The following POGLUT2 variants were observed in gnomAD, a reference collection of about 807,000 sequenced individuals.
POGLUT2 encodes the protein protein O-glucosyltransferase 2.
Under a neutral mutation model 57.6 loss-of-function variants are expected in POGLUT2, and 47 were observed. The observed-to-expected ratio is 0.82, with a 90% CI of 0.65 to 1.04. The LOEUF is 1.04. Ranked by LOEUF, POGLUT2 falls within the 50% of genes least tolerant of loss-of-function variation. POGLUT2 has a pLI of 0.00. For missense variants in POGLUT2, 565 were observed against 614.8 expected, an observed-to-expected ratio of 0.92 and a Z score of 0.86; for synonymous variants, 200 against 218.8, an observed-to-expected ratio of 0.91 and a Z score of 0.76.
chr13:102,796,989 T>C lies in POGLUT2; in HGVS notation c.203A>G (p.Glu68Gly). The C allele has an allele frequency of 1.2e-6, 2 of 1,612,906 alleles. No homozygotes were observed. Among genetic ancestry groups the C allele is most frequent in the Non-Finnish European group, 1.7e-6 (2 of 1,179,478 alleles). The change falls in exon 2 of 10, where the codon GAA becomes GGA. Residue 68 changes from glutamate (E) to glycine (G), a missense_variant. Physicochemically the swap from Glu to Gly is moderately conservative, Grantham distance 98. Coordinates refer to ENST00000376004, the MANE Select transcript of POGLUT2 (RefSeq NM_024089.3). ...SGNKFTSSPGEKVFQVKVSAP... is the reference protein window; with the variant it reads ...SGNKFTSSPGGKVFQVKVSAP... The stretch of plus-strand genomic sequence containing the variant: ...TGAGACTTTCACCTGGAAGACCTTT[T>C]CGCCTGGAGAAGATGTGAATCTGTG...
At chr13:102,792,863 G>A (rs183175657) in intron 4 of POGLUT2, among the ~76,000 whole-genome samples, 284 of 152,208 alleles carry the variant, frequency 1.9e-3, no homozygotes, top group Non-Finnish European at 3.1e-3. Flanking sequence ...GCGTGATCTC[G>A]GCTCATGCAG....
Position 102,798,662 on chromosome 13 carries a change from G to A in POGLUT2, c.9C>T (p.Gly3=). ...GAAAGAAGCAATAAAGTAGCAAAGT[G>A]CCAAACATTTACAAGACGGACTCTC... MF[G]TLLLYCFFLA... is the part of the protein sequence containing the mutation. Residue 3 remains glycine (G), a synonymous_variant, in exon 1 of 10, where the codon GGC becomes GGT. Coordinates refer to ENST00000376004, the MANE Select transcript of POGLUT2 (RefSeq NM_024089.3). The A allele has an allele frequency of 6.3e-7, 1 of 1,592,400 alleles. No homozygotes were observed. Among genetic ancestry groups the A allele is most frequent in the Admixed American group, 1.8e-5 (1 of 56,960 alleles).
chr13:102,786,440 G>A, intron 8 of POGLUT2, 101 bp from the exon 9 acceptor site: 1 of 804,402 alleles, frequency 1.2e-6, no homozygotes, highest in South Asian at 1.5e-5. Flanking sequence ...TTTAACTCAT[G>A]TGTGTCAAAC....
rs141628910 is a variant in POGLUT2 at position 102,798,149 on chromosome 13, C to G, written c.182+340G>C. Among the ~76,000 whole-genome samples, 580 of 152,308 alleles carry G rather than the reference C, an allele frequency of 3.8e-3. 2 individuals carry two copies. Among genetic ancestry groups the G allele is most frequent in the African/African-American group, 0.013 (540 of 41,554 alleles). The stretch of plus-strand genomic sequence containing the variant: ...CGCACCAGAGAAAGATGAAGCCCAT[C>G]AAGTCTCTAACAACTAGGTTTAAAT... On this transcript the variant is annotated intron_variant, in intron 1 of 9. Transcript: ENST00000376004.
chr13:102,786,108 G>C, intron 9 of POGLUT2, 124 bp downstream of exon 9: 1 of 666,942 alleles, frequency 1.5e-6, no homozygotes, highest in African/African-American at 1.8e-5. Context: ...AGACTGAATT[G>C]CTTGGAGACC....
In POGLUT2 at chr13:102,784,305, T is replaced by C. The variant is rs779679551; in HGVS notation, c.*190A>G. 180 of 476,912 alleles carry C rather than the reference T, an allele frequency of 3.8e-4. No individual in the cohort carries two copies. Among genetic ancestry groups the C allele is most frequent in the Non-Finnish European group, 3.8e-5 (10 of 262,316 alleles). The allele number at this position is 476,912 out of a possible 1,614,324, so 29.5% of individuals were successfully genotyped here. A position where few individuals can be genotyped will look rare whatever the true frequency, so the allele number is the denominator to read the frequency against. ...GTCCTTTAAAATAAAGGTGGTTTTATTATAAAATTCTAAAAATGTACTTTA... is the reference window on the plus strand; with the variant it reads ...GTCCTTTAAAATAAAGGTGGTTTTACTATAAAATTCTAAAAATGTACTTTA... On this transcript the variant is annotated 3_prime_UTR_variant, in exon 10 of 10. Transcript: ENST00000376004.
intron 9 of POGLUT2, among the ~76,000 whole-genome samples, chr13:102,784,808 G>A (rs572200437): frequency 1.3e-5 from 2 of 152,272 alleles, no homozygotes; most frequent in South Asian, 2.1e-4. Context: ...AAAAATAAAC[G>A]AAGCTATCAT....
chr13:102,789,016 T>C lies in POGLUT2; in HGVS notation c.1289A>G (p.Glu430Gly), dbSNP rs760529923. Residue 430 changes from glutamate to glycine, a missense_variant, in exon 7 of 10, where the codon GAA becomes GGA. Physicochemically the swap from Glu to Gly is moderately conservative, Grantham distance 98. Coordinates refer to ENST00000376004, the MANE Select transcript of POGLUT2 (RefSeq NM_024089.3). ...EKLKWAKDHDEEAKKIAKAGQ... is the reference protein window; with the variant it reads ...EKLKWAKDHDGEAKKIAKAGQ... ...CTTCAAGGGGACTAACCTTACCTCT[T>C]CATCGTGATCTTTCGCCCATTTAAG... 7.4e-6 allele frequency: 12 copies of C among 1,613,102 alleles called. No individual in the cohort carries two copies. Among genetic ancestry groups the C allele is most frequent in the Non-Finnish European group, 9.3e-6 (11 of 1,179,384 alleles).
intron 8 of POGLUT2, 66 bp from the exon 9 acceptor site, chr13:102,786,405 T>G: frequency 1.0e-6 from 1 of 995,016 alleles, no homozygotes; most frequent in Non-Finnish European, 1.6e-6. Context: ...TGAGAGAGGC[T>G]AGAATATATG....
intron 4 of POGLUT2, among the ~76,000 whole-genome samples, chr13:102,792,977 T>C (rs1036579833): frequency 6.6e-6 from 1 of 152,188 alleles, no homozygotes; most frequent in African/African-American, 2.4e-5. Context: ...GTCTTCACCA[T>C]GTTGCCCAGC....
intron 8 of POGLUT2, 68 bp from the exon 9 acceptor site, chr13:102,786,407 G>A (rs1034522082): frequency 9.7e-5 from 94 of 972,922 alleles, no homozygotes; most frequent in Non-Finnish European, 1.5e-4. Context: ...AGAGAGGCTA[G>A]AATATATGAA....
chr13:102,791,089 C>A lies in POGLUT2; in HGVS notation c.895G>T (p.Glu299Ter). ...CAGACGGCAGTGGAATTTTTGCTTT[C>A]CCAGGGAGGACCCGTGTTAGCTTGC... ...SVQANTGPPW[E>*]SKNSTAVWRG... The change falls in exon 6 of 10, where the codon GAA becomes TAA. Residue 299 changes from glutamate to a stop codon, truncating the protein, a stop_gained. Coordinates refer to ENST00000376004, the MANE Select transcript of POGLUT2 (RefSeq NM_024089.3). LOFTEE classifies it high-confidence loss of function. 2 of 1,614,166 alleles carry A rather than the reference C, an allele frequency of 1.2e-6. No homozygotes were observed. The highest frequency in any genetic ancestry group is 1.7e-6 in the Non-Finnish European group (2 of 1,180,024).
chr13:102,788,426 G>A (rs779188131), intron 7 of POGLUT2, among the ~76,000 whole-genome samples: 4 of 152,142 alleles, frequency 2.6e-5, no homozygotes, highest in Admixed American at 6.5e-5. Context: ...TCAGAGCAAC[G>A]CTACTTGAAA....
At chr13:102,787,039 T>G (rs1002306712) in intron 8 of POGLUT2, among the ~76,000 whole-genome samples, 1 of 151,632 alleles carries the variant, frequency 6.6e-6, no homozygotes. Context: ...ATTTTGTTTT[T>G]TTTTTTTTGT....
At position 102,793,319 on chromosome 13, in the gene POGLUT2, C is replaced by T. The variant is rs138225780; in HGVS notation, c.672+22G>A. The T allele has an allele frequency of 8.3e-5, 108 of 1,298,832 alleles. No homozygotes were observed. The African/African-American group carries it at 1.4e-3, about 17-fold the overall frequency. 80.5% of individuals were successfully genotyped at this position (1,298,832 alleles called of 1,614,324 possible). On this transcript the variant is annotated intron_variant, in intron 4 of 9. Coordinates refer to ENST00000376004, the MANE Select transcript of POGLUT2 (RefSeq NM_024089.3). ...TCTGGGCTTAAATTATCTATTACAG[C>T]TAAGAGAAAATATATACTTACCTTT...
At chr13:102,796,559 AT>A (rs1878397031) in intron 2 of POGLUT2, among the ~76,000 whole-genome samples, 1 of 150,742 alleles carries the variant, frequency 6.6e-6, no homozygotes, top group African/African-American at 2.4e-5. Context: ...CGCGGAGTAA[AT>A]TCTCTACTAA....
At chr13:102,797,129 T>G (rs1878431443) in intron 1 of POGLUT2, 120 bp from the exon 2 acceptor site, 1 of 645,844 alleles carries the variant, frequency 1.5e-6, no homozygotes. Context: ...AACATATGAT[T>G]GCTTCTTCTT....
At chr13:102,793,062 C>T (rs1234468972) in intron 4 of POGLUT2, 1 of 349,650 alleles carries the variant, frequency 2.9e-6, no homozygotes, top group East Asian at 5.7e-5. Flanking sequence ...AGGCGTGAGC[C>T]ATGGCACCTA....
chr13:102,787,927 C>T lies in POGLUT2; in HGVS notation c.1294-4G>A. ...CTGCTTTTGCTATCTTTTTGGCCTA[C>T]AGGAAGAACAACGACAAAATCCTGT... On this transcript the variant is annotated splice_polypyrimidine_tract_variant and splice_region_variant and intron_variant, in intron 7 of 9. Transcript: ENST00000376004. The T allele has an allele frequency of 1.3e-6, 2 of 1,576,472 alleles. No individual in the cohort carries two copies. Among genetic ancestry groups the T allele is most frequent in the Non-Finnish European group, 1.7e-6 (2 of 1,153,234 alleles).
Sources: gnomAD v4.1 joint callset for allele counts (sites outside exome capture counted in the v4.1 genomes callset) on GRCh38, gnomAD v4.1.1 for gene constraint, MANE v1.5 for transcripts, NCBI Gene and HGNC (gene_info 2026-07-23, HGNC 2026-07-21) for gene names.